The following SLC5A1 variants were observed in gnomAD, a reference collection of about 807,000 sequenced individuals.
SLC5A1 encodes solute carrier family 5 member 1, also known as sodium/glucose cotransporter 1.
SLC5A1 carries 42 observed loss-of-function variants against 73.5 expected under a neutral mutation model. The ratio of observed to expected loss-of-function variants is 0.57; its 90% confidence interval spans 0.45 to 0.74. The LOEUF (loss-of-function observed/expected upper bound fraction) is 0.74. Ranked by LOEUF, SLC5A1 falls within the 30% of genes least tolerant of loss-of-function variation. The pLI is 0.00. For missense variants in SLC5A1, 634 were observed against 855.4 expected (o/e 0.74, Z 3.23); for synonymous variants, 300 against 317.4 (o/e 0.95, Z 0.58).
intron 13 of SLC5A1, 112 bp from the exon 14 acceptor site, chr22:32,104,674 T>C (rs530286500): frequency 5.3e-6 from 4 of 757,866 alleles, no homozygotes; most frequent in Non-Finnish European, 9.4e-6. Flanking sequence ...TTCCTGGTAC[T>C]GAGATGCCAC....
chr22:32,092,775 C>A (rs989438879), intron 11 of SLC5A1, among the ~76,000 whole-genome samples: 1 of 152,286 alleles, frequency 6.6e-6, no homozygotes, highest in South Asian at 2.1e-4. Flanking sequence ...ACTCTGCTAA[C>A]TGTTCCTTTT....
intron 1 of SLC5A1, 47 bp from the exon 2 acceptor site, chr22:32,049,896 G>A: frequency 6.6e-7 from 1 of 1,516,872 alleles, no homozygotes; most frequent in Non-Finnish European, 9.2e-7. Context: ...GGCTGGCAAG[G>A]CCACTCTTCT....
intron 2 of SLC5A1, among the ~76,000 whole-genome samples, chr22:32,054,386 C>T (rs1001702116): frequency 6.6e-6 from 1 of 152,070 alleles, no homozygotes; most frequent in African/African-American, 2.4e-5. Flanking sequence ...GTAAAATTAT[C>T]AATAATAGTT....
At chr22:32,070,189 A>C in intron 5 of SLC5A1, among the ~76,000 whole-genome samples, 1 of 122,762 alleles carries the variant, frequency 8.1e-6, no homozygotes, top group Admixed American at 1.0e-4. Context: ...TACTGGAGCA[A>C]ACATTGTGTT....
chr22:32,096,086 A>G (rs1037174631), intron 11 of SLC5A1, among the ~76,000 whole-genome samples: 18 of 152,100 alleles, frequency 1.2e-4, no homozygotes, highest in African/African-American at 4.3e-4. Flanking sequence ...CTTTCCTGGT[A>G]TATTCCTGCA....
chr22:32,052,896 G>A (rs1410773338), intron 2 of SLC5A1, among the ~76,000 whole-genome samples: 1 of 152,176 alleles, frequency 6.6e-6, no homozygotes, highest in Non-Finnish European at 1.5e-5. Flanking sequence ...CTCTGGTGCA[G>A]GGGCCACACA....
chr22:32,053,911 A>G (rs1193296861), intron 2 of SLC5A1, among the ~76,000 whole-genome samples: 1 of 152,190 alleles, frequency 6.6e-6, no homozygotes, highest in Non-Finnish European at 1.5e-5. Flanking sequence ...GCGGTGGCTC[A>G]CACCAGTAAT....
At chr22:32,107,405 T>C (rs1455105032) in intron 14 of SLC5A1, among the ~76,000 whole-genome samples, 3 of 152,336 alleles carry the variant, frequency 2.0e-5, no homozygotes, top group South Asian at 4.1e-4. Flanking sequence ...AGTGCAGAGA[T>C]AGACTGTGAG....
chr22:32,085,560 T>C (rs1455458718), intron 9 of SLC5A1, among the ~76,000 whole-genome samples: 2 of 151,552 alleles, frequency 1.3e-5, no homozygotes, highest in African/African-American at 2.4e-5. Flanking sequence ...TTTTTTTTTT[T>C]TTTTTTCAAA....
intron 10 of SLC5A1, among the ~76,000 whole-genome samples, chr22:32,091,298 A>AACACACAC (rs67059150): frequency 6.0e-4 from 84 of 139,046 alleles, no homozygotes; most frequent in East Asian, 2.0e-3. Context: ...CACATACACA[A>AACACACAC]ACACACACAC....
At chr22:32,079,207 C>T (rs2093995839) in intron 5 of SLC5A1, among the ~76,000 whole-genome samples, 1 of 152,156 alleles carries the variant, frequency 6.6e-6, no homozygotes, top group African/African-American at 2.4e-5. Flanking sequence ...AATGTCAGAG[C>T]ACCCAGACTA....
At chr22:32,071,341 TACTC>T (rs1444139894) in intron 5 of SLC5A1, among the ~76,000 whole-genome samples, 5 of 152,230 alleles carry the variant, frequency 3.3e-5, no homozygotes, top group East Asian at 1.9e-4. Context: ...TTGTCACAGT[TACTC>T]AGGAGGCTGA....
intron 7 of SLC5A1, among the ~76,000 whole-genome samples, chr22:32,083,698 T>C (rs1439827010): frequency 1.3e-5 from 2 of 151,964 alleles, no homozygotes; most frequent in African/African-American, 2.4e-5. Flanking sequence ...TACTTGTCTA[T>C]GAAATCTTAA....
At chr22:32,109,717 A>T (rs1315668624) in intron 14 of SLC5A1, among the ~76,000 whole-genome samples, 1 of 152,226 alleles carries the variant, frequency 6.6e-6, no homozygotes, top group African/African-American at 2.4e-5. Context: ...CCAAATCAAA[A>T]TGAATTTGCA....
chr22:32,082,115 G>A (rs533095399), intron 6 of SLC5A1, 144 bp downstream of exon 6: 220 of 698,514 alleles, frequency 3.1e-4, no homozygotes, highest in Non-Finnish European at 5.5e-4. Context: ...TATTTGCTTA[G>A]TACCAACTCA....
intron 11 of SLC5A1, 40 bp downstream of exon 11, chr22:32,091,802 T>A (rs1287513347): frequency 6.2e-7 from 1 of 1,608,494 alleles, no homozygotes; most frequent in Non-Finnish European, 8.5e-7. Flanking sequence ...GCTTGAATGA[T>A]CAGAGAGGTT....
intron 2 of SLC5A1, among the ~76,000 whole-genome samples, chr22:32,060,211 G>A (rs2093960131): frequency 6.9e-6 from 1 of 145,538 alleles, no homozygotes; most frequent in Non-Finnish European, 1.5e-5. Flanking sequence ...TTTTTTAAGA[G>A]ATGGAACTTT....
rs1344477692 is a variant in SLC5A1 at position 32,112,929 on chromosome 22, G to T, written c.*2716G>T. The stretch of plus-strand genomic sequence containing the variant: ...AATAGATGTTAATTACCTTAATTTA[G>T]TCATTTCACAATATGTACATATATA... On this transcript the variant is annotated 3_prime_UTR_variant, in exon 15 of 15. Transcript: ENST00000266088. 6.6e-6 allele frequency: 1 copy of T among 152,090 alleles called. No homozygotes were observed. The highest frequency in any genetic ancestry group is 1.5e-5 in the Non-Finnish European group (1 of 68,030). The allele number at this position is 152,090 out of a possible 1,614,324, so 9.4% of individuals were successfully genotyped here.
chr22:32,059,619 CAG>C (rs1178714493), intron 2 of SLC5A1, among the ~76,000 whole-genome samples: 2 of 151,866 alleles, frequency 1.3e-5, no homozygotes, highest in East Asian at 3.9e-4. Flanking sequence ...GACTTTATTG[CAG>C]AGAGTCTGGA....
Sources: gnomAD v4.1 joint callset for allele counts (sites outside exome capture counted in the v4.1 genomes callset) on GRCh38, gnomAD v4.1.1 for gene constraint, MANE v1.5 for transcripts, NCBI Gene and HGNC (gene_info 2026-07-23, HGNC 2026-07-21) for gene names.